IPCEF1: variants seen among roughly 807,000 people sequenced by gnomAD.
IPCEF1 encodes interaction protein for cytohesin exchange factors 1, also known as interactor protein for cytohesin exchange factors 1.
A neutral mutation model predicts 50.9 loss-of-function variants in IPCEF1; 31 were observed. The observed-to-expected ratio is 0.61, with a 90% CI of 0.46 to 0.82. IPCEF1 has a LOEUF of 0.82. Ranked by LOEUF, IPCEF1 falls within the 40% of genes least tolerant of loss-of-function variation. The pLI is 0.00. For missense variants in IPCEF1, 458 were observed against 514.0 expected, an observed-to-expected ratio of 0.89 and a Z score of 1.05; for synonymous variants, 181 against 192.0, an observed-to-expected ratio of 0.94 and a Z score of 0.47.
intron 5 of IPCEF1, among the ~76,000 whole-genome samples, chr6:154,238,002 T>C (rs1425854337): frequency 3.3e-5 from 5 of 152,216 alleles, no homozygotes; most frequent in Non-Finnish European, 5.9e-5. Context: ...AAAGCCATTT[T>C]TGATTTTAGA....
rs75091793 is a variant in IPCEF1, at chr6:154,212,859, T to C, written c.452-4A>G. The C allele has an allele frequency of 5.6e-3, 8,990 of 1,600,526 alleles. 34 individuals are homozygous for C. The highest frequency in any genetic ancestry group is 6.8e-3 in the Non-Finnish European group (7,886 of 1,167,720). On this transcript the variant is annotated splice_polypyrimidine_tract_variant and splice_region_variant and intron_variant, in intron 8 of 11. Transcript: ENST00000367220. ...TGTTCACTTTCACTGTAACATTCTA[T>C]AACAAAAATGAAAATGCTTAATGTT...
At chr6:154,230,054 G>A (rs562316387) in intron 5 of IPCEF1, among the ~76,000 whole-genome samples, 3 of 152,222 alleles carry the variant, frequency 2.0e-5, no homozygotes, top group African/African-American at 7.2e-5. Flanking sequence ...GGTTGCCTGC[G>A]GTTGGGGGTG....
intron 2 of IPCEF1, among the ~76,000 whole-genome samples, chr6:154,271,519 T>C (rs1249151755): frequency 1.3e-5 from 2 of 152,196 alleles, no homozygotes; most frequent in African/African-American, 4.8e-5. Context: ...CTATATTATA[T>C]AGATTACTTT....
intron 1 of IPCEF1, among the ~76,000 whole-genome samples, chr6:154,290,954 C>G (rs972578113): frequency 1.4e-5 from 2 of 143,070 alleles, no homozygotes; most frequent in Non-Finnish European, 3.0e-5. Context: ...CAGTGGCACA[C>G]ACAATCTCAG....
intron 1 of IPCEF1, among the ~76,000 whole-genome samples, chr6:154,292,560 G>A (rs984454928): frequency 2.0e-5 from 3 of 152,102 alleles, no homozygotes; most frequent in South Asian, 2.1e-4. Flanking sequence ...TAGAATTACC[G>A]TAAAAATCAC....
chr6:154,207,856 G>A (rs1301603111), intron 9 of IPCEF1, among the ~76,000 whole-genome samples: 1 of 152,162 alleles, frequency 6.6e-6, no homozygotes, highest in Non-Finnish European at 1.5e-5. Flanking sequence ...CTAGAAGCTG[G>A]AATTAGAAAT....
rs958571972 is a variant in IPCEF1, at chr6:154,337,698, G to A, written c.-62+18974C>T. Among the ~76,000 whole-genome samples the A allele has an allele frequency of 4.6e-5, 7 of 152,196 alleles. No individual in the cohort carries two copies. The South Asian group carries it at 1.4e-3, about 31-fold the overall frequency. ...AGGAGGGAGGAACCAGGTTGGCTAG[G>A]AAGAAAAGTGTTAAGAAACAAAGCT... On this transcript the variant is annotated intron_variant, in intron 1 of 11. Transcript: ENST00000367220.
chr6:154,263,511 A>G (rs1345050238), intron 3 of IPCEF1, among the ~76,000 whole-genome samples: 1 of 113,276 alleles, frequency 8.8e-6, no homozygotes, highest in Non-Finnish European at 1.9e-5. Context: ...CCCTTAATCC[A>G]TTCAACCCTG....
chr6:154,287,334 C>T (rs1782389300), intron 2 of IPCEF1, among the ~76,000 whole-genome samples: 1 of 152,076 alleles, frequency 6.6e-6, no homozygotes, highest in Admixed American at 6.6e-5. Context: ...ATTTCTCAGT[C>T]TCAGGTAGTT....
chr6:154,184,645 A>G (rs1247578373), intron 10 of IPCEF1, among the ~76,000 whole-genome samples: 1 of 152,196 alleles, frequency 6.6e-6, no homozygotes, highest in African/African-American at 2.4e-5. Flanking sequence ...TAGTGCCTAT[A>G]ACAGATATTA....
intron 1 of IPCEF1, among the ~76,000 whole-genome samples, chr6:154,331,399 G>GAAAGA (rs1562292516): frequency 7.5e-6 from 1 of 133,992 alleles, no homozygotes; most frequent in Non-Finnish European, 1.6e-5. Flanking sequence ...AAGAAAGAAA[G>GAAAGA]AAAGAAAGAG....
chr6:154,285,446 C>T (rs757678861), intron 2 of IPCEF1, among the ~76,000 whole-genome samples: 7 of 152,066 alleles, frequency 4.6e-5, no homozygotes, highest in African/African-American at 1.7e-4. Context: ...AAATTGGATT[C>T]TATTTTTTAG....
chr6:154,202,182 T>C (rs1660869389), intron 9 of IPCEF1, among the ~76,000 whole-genome samples: 1 of 152,198 alleles, frequency 6.6e-6, no homozygotes, highest in Admixed American at 6.5e-5. Flanking sequence ...TAGCATGACA[T>C]TAAAATCTCT....
intron 5 of IPCEF1, among the ~76,000 whole-genome samples, chr6:154,230,678 T>A (rs1052922502): frequency 6.6e-6 from 1 of 152,168 alleles, no homozygotes; most frequent in South Asian, 2.1e-4. Context: ...GGTTAAAAAA[T>A]GAAAAGTAAT....
intron 1 of IPCEF1, among the ~76,000 whole-genome samples, chr6:154,292,621 T>A (rs772816878): frequency 2.0e-5 from 3 of 152,206 alleles, no homozygotes; most frequent in Non-Finnish European, 4.4e-5. Flanking sequence ...GATCCCTTTT[T>A]CTCTTTTGTA....
intron 3 of IPCEF1, 100 bp from the exon 4 acceptor site, chr6:154,247,588 A>G (rs1781163126): frequency 2.1e-6 from 2 of 961,682 alleles, no homozygotes; most frequent in South Asian, 3.0e-5. Context: ...TATGAGCAGG[A>G]TGGAATCTAA....
chr6:154,294,351 A>C (rs765252148), intron 1 of IPCEF1, among the ~76,000 whole-genome samples: 4 of 152,330 alleles, frequency 2.6e-5, no homozygotes, highest in South Asian at 2.1e-4. Flanking sequence ...ACTTGAAAAT[A>C]AGTAGAAGTA....
intron 5 of IPCEF1, among the ~76,000 whole-genome samples, chr6:154,243,196 A>G (rs984508512): frequency 6.6e-6 from 1 of 152,220 alleles, no homozygotes; most frequent in Non-Finnish European, 1.5e-5. Flanking sequence ...AAAGGTTACC[A>G]GTTAAGGTGA....
chr6:154,190,325 T>C (rs1286366751), intron 10 of IPCEF1, among the ~76,000 whole-genome samples: 1 of 151,780 alleles, frequency 6.6e-6, no homozygotes, highest in African/African-American at 2.4e-5. Context: ...CCAAAGAAAG[T>C]ATATACAAAA....
Sources: allele counts gnomAD v4.1 joint callset (sites outside exome capture counted in the v4.1 genomes callset), GRCh38; gene constraint gnomAD v4.1.1; transcripts MANE v1.5; gene names NCBI Gene and HGNC (gene_info 2026-07-23, HGNC 2026-07-21).